The following LHPP variants were observed in gnomAD, a reference collection of about 807,000 sequenced individuals.
LHPP encodes hLHPP.
In LHPP, 24 loss-of-function variants were observed where a neutral mutation model predicts 30.3. The ratio of observed to expected loss-of-function variants is 0.79; its 90% CI spans 0.57 to 1.11. The LOEUF (loss-of-function observed/expected upper bound fraction) is 1.11. Ranked by LOEUF, LHPP falls within the 50% of genes most tolerant of loss-of-function variation. LHPP has a pLI of 0.00. For synonymous variants in LHPP, 150 were observed against 157.1 expected (o/e 0.95, Z 0.34); for missense variants, 356 against 367.2 (o/e 0.97, Z 0.25).
chr10:124,602,582 C>G (rs1331076108), intron 6 of LHPP, among the ~76,000 whole-genome samples: 1 of 148,372 alleles, frequency 6.7e-6, no homozygotes, highest in East Asian at 2.0e-4. Flanking sequence ...GCTCAGAGCC[C>G]TGGGGGACTG....
rs1397668995 is a variant in LHPP, at chr10:124,541,714, G to A, written c.716+24443G>A. Among the ~76,000 whole-genome samples the A allele has an allele frequency of 1.3e-5, 2 of 152,154 alleles. No individual in the cohort carries two copies. The highest frequency in any genetic ancestry group is 4.8e-5 in the African/African-American group (2 of 41,424). ...GGAGTTCCCATGACGTCATCCCTCA[G>A]TACAAGCTACGAGGGCTTCTTAGAA... On this transcript the variant is annotated intron_variant, in intron 6 of 6. Transcript: ENST00000368842. This position sits in a 1 kb window ranked among gnomAD's most constrained non-coding sequence, Gnocchi z 4.2.
At chr10:124,588,981 T>C (rs1948843196) in intron 6 of LHPP, among the ~76,000 whole-genome samples, 1 of 152,212 alleles carries the variant, frequency 6.6e-6, no homozygotes, top group Non-Finnish European at 1.5e-5. Flanking sequence ...TTTATAGCCC[T>C]GGTGGAGCGC....
At chr10:124,562,300 C>G (rs372595601) in intron 6 of LHPP, among the ~76,000 whole-genome samples, 1 of 119,784 alleles carries the variant, frequency 8.3e-6, no homozygotes, top group African/African-American at 3.3e-5. Context: ...GGGTGAGACC[C>G]TGTCTCAAAC....
chr10:124,495,529 C>T (rs1246563997), intron 3 of LHPP, among the ~76,000 whole-genome samples: 3 of 152,214 alleles, frequency 2.0e-5, no homozygotes, highest in Non-Finnish European at 4.4e-5. Flanking sequence ...GGCTGGGTGC[C>T]TGCTACAGCT....
intron 6 of LHPP, among the ~76,000 whole-genome samples, chr10:124,562,163 T>C (rs1948406647): frequency 6.6e-6 from 1 of 151,992 alleles, no homozygotes; most frequent in African/African-American, 2.4e-5. Flanking sequence ...AAAAATTAGC[T>C]GAGCATGGTG....
intron 1 of LHPP, among the ~76,000 whole-genome samples, chr10:124,483,614 A>G (rs1414854644): frequency 6.6e-6 from 1 of 152,088 alleles, no homozygotes; most frequent in African/African-American, 2.4e-5. Flanking sequence ...AAAATTAGCC[A>G]GGTATGATGG....
intron 6 of LHPP, among the ~76,000 whole-genome samples, chr10:124,599,527 G>A (rs1357385421): frequency 6.6e-6 from 1 of 152,162 alleles, no homozygotes; most frequent in Admixed American, 6.5e-5. Flanking sequence ...GCAGCCAGGG[G>A]TTCCGTACTC....
At chr10:124,574,083 C>G (rs1282618574) in intron 6 of LHPP, among the ~76,000 whole-genome samples, 1 of 152,132 alleles carries the variant, frequency 6.6e-6, no homozygotes, top group Non-Finnish European at 1.5e-5. Flanking sequence ...CTGGCTCCTC[C>G]CAACGCCCCT....
At chr10:124,598,799 C>A (rs1035164714) in intron 6 of LHPP, among the ~76,000 whole-genome samples, 2 of 151,788 alleles carry the variant, frequency 1.3e-5, no homozygotes, top group African/African-American at 4.8e-5. Context: ...CGCCTGCTAC[C>A]CACCCTTCTC....
At chr10:124,492,789 A>G (rs555168883) in intron 3 of LHPP, among the ~76,000 whole-genome samples, 77 of 152,314 alleles carry the variant, frequency 5.1e-4, no homozygotes, top group South Asian at 1.2e-3. Context: ...TAACTCATTT[A>G]CCCGGGCTGA....
intron 6 of LHPP, among the ~76,000 whole-genome samples, chr10:124,581,509 A>G (rs1323459361): frequency 1.3e-5 from 2 of 152,186 alleles, no homozygotes; most frequent in Non-Finnish European, 2.9e-5. Context: ...ATTTTATGCC[A>G]TTTTACATTC....
chr10:124,518,660 C>T (rs893809703), intron 6 of LHPP, among the ~76,000 whole-genome samples: 1 of 152,222 alleles, frequency 6.6e-6, no homozygotes. Context: ...GGGCTTCTTC[C>T]AGTTCCTTGG....
Position 124,498,074 on chromosome 10 carries a change from T to G in LHPP, c.570T>G (p.Pro190=). 1 of 1,614,134 alleles carries G rather than the reference T, an allele frequency of 6.2e-7. No individual in the cohort carries two copies. Among genetic ancestry groups the G allele is most frequent in the East Asian group, 2.2e-5 (1 of 44,892 alleles). Residue 190 remains proline (P), a synonymous_variant, in exon 5 of 7, where the codon CCT becomes CCG. Transcript: ENST00000368842. ...CGIKAEVVGK[P]SPEFFKSALQ... Reference sequence around the variant, plus strand: ...TCAAAGCCGAGGTGGTGGGGAAGCCTTCTCCTGAGTTTTTCAAGTCTGCCC... The same window carrying G: ...TCAAAGCCGAGGTGGTGGGGAAGCCGTCTCCTGAGTTTTTCAAGTCTGCCC...
chr10:124,570,512 C>A (rs1035790290), intron 6 of LHPP, among the ~76,000 whole-genome samples: 5 of 152,194 alleles, frequency 3.3e-5, no homozygotes, highest in Admixed American at 6.5e-5. Context: ...ATACACAATT[C>A]AGTGGTCTTT....
chr10:124,544,622 T>G (rs753248747), intron 6 of LHPP, among the ~76,000 whole-genome samples: 6 of 152,330 alleles, frequency 3.9e-5, no homozygotes, highest in Non-Finnish European at 7.3e-5. Context: ...GTGTTTGTAT[T>G]TTATCACCAT....
chr10:124,589,344 G>A (rs755734542), intron 6 of LHPP, among the ~76,000 whole-genome samples: 12 of 152,248 alleles, frequency 7.9e-5, no homozygotes, highest in Non-Finnish European at 1.8e-4. Flanking sequence ...AGCTTCCACT[G>A]CTGGATGGAG....
intron 2 of LHPP, among the ~76,000 whole-genome samples, chr10:124,486,708 C>T (rs931274717): frequency 3.3e-5 from 5 of 152,232 alleles, no homozygotes; most frequent in Admixed American, 6.5e-5. Flanking sequence ...CTGACTTTAG[C>T]GACTCAGTCT....
chr10:124,488,854 C>G (rs1953421719), intron 3 of LHPP, among the ~76,000 whole-genome samples: 1 of 152,154 alleles, frequency 6.6e-6, no homozygotes, highest in African/African-American at 2.4e-5. Flanking sequence ...GAGGGAGACC[C>G]TCTGGAGATC....
chr10:124,528,945 C>T (rs1007206080), intron 6 of LHPP, among the ~76,000 whole-genome samples: 1 of 152,050 alleles, frequency 6.6e-6, no homozygotes, highest in Non-Finnish European at 1.5e-5. Context: ...CCTGGGGCCA[C>T]CACATAACAC....
Sources: gnomAD v4.1 joint callset for allele counts (sites outside exome capture counted in the v4.1 genomes callset) on GRCh38, gnomAD v4.1.1 for gene constraint, Gnocchi (gnomAD v3.1) non-coding constraint, MANE v1.5 for transcripts, NCBI Gene and HGNC (gene_info 2026-07-23, HGNC 2026-07-21) for gene names.